RBM33: variants seen among roughly 807,000 people sequenced by gnomAD.
RBM33 encodes RNA binding motif protein 33.
In RBM33, 28 loss-of-function variants were observed where a neutral mutation model predicts 132.6. The observed-to-expected ratio is 0.21, with a 90% CI of 0.16 to 0.29. RBM33 has a LOEUF of 0.29. RBM33 is among the 10% of genes least tolerant of loss of function. The pLI, the probability that RBM33 is intolerant of heterozygous loss-of-function variation, is 1.00. For synonymous variants in RBM33, 634 were observed against 593.0 expected, an observed-to-expected ratio of 1.07 and a Z score of -1.01; for missense variants, 1,291 against 1,518.5, an observed-to-expected ratio of 0.85 and a Z score of 2.49.
intron 3 of RBM33, among the ~76,000 whole-genome samples, chr7:155,676,065 A>G (rs751326886): frequency 2.0e-5 from 3 of 152,132 alleles, no homozygotes; most frequent in Non-Finnish European, 2.9e-5. Context: ...TACACTGGCT[A>G]CCTGAACAAT....
intron 5 of RBM33, chr7:155,684,894 T>C (rs1435611449): frequency 6.5e-7 from 1 of 1,542,636 alleles, no homozygotes; most frequent in Admixed American, 2.0e-5. Context: ...ACCCCAAAGC[T>C]GTATGAGAAA....
In RBM33 at chr7:155,678,799, T is replaced by C. The variant is rs979709257; in HGVS notation, c.248+115T>C. ...AATGTAGCCTTATATCTTTAACACA[T>C]GATTACATTCTAAATGGAATACTAG... On this transcript the variant is annotated intron_variant, in intron 4 of 17. Transcript: ENST00000401878. The C allele has an allele frequency of 6.6e-6, 4 of 606,944 alleles. No individual in the cohort carries two copies. The African/African-American group carries it at 7.6e-5, about 12-fold the overall frequency. The allele number at this position is 606,944 out of a possible 1,614,324, so 37.6% of individuals were successfully genotyped here.
At chr7:155,729,558 G>A (rs1800892791) in intron 9 of RBM33, among the ~76,000 whole-genome samples, 1 of 152,056 alleles carries the variant, frequency 6.6e-6, no homozygotes, top group Non-Finnish European at 1.5e-5. Flanking sequence ...GTAACATAGT[G>A]AGACCCCATC....
intron 1 of RBM33, among the ~76,000 whole-genome samples, chr7:155,654,630 G>A (rs1372035439): frequency 6.6e-6 from 1 of 152,112 alleles, no homozygotes; most frequent in Non-Finnish European, 1.5e-5. Flanking sequence ...TGACAAAAAT[G>A]TAGTTATTCT....
chr7:155,687,377 C>T (rs1799511521), intron 5 of RBM33, among the ~76,000 whole-genome samples: 2 of 152,158 alleles, frequency 1.3e-5, no homozygotes. Context: ...TGGATATTAG[C>T]CCTTTGTCAG....
rs927203532 is a variant in RBM33, at chr7:155,644,709, C to T, written c.-168C>T. On this transcript the variant is annotated 5_prime_UTR_variant, in exon 1 of 18. Coordinates refer to ENST00000401878, the MANE Select transcript of RBM33 (RefSeq NM_053043.3). ...GCGGTAGTTTGTTGTTTTCTTCCTG[C>T]GGAGGCGAAGGGCCAGCTGTGGACC... is the stretch of plus-strand genomic sequence containing the variant. 2 of 489,624 alleles carry T rather than the reference C, an allele frequency of 4.1e-6. No homozygotes were observed. The highest frequency in any genetic ancestry group is 4.4e-5 in the Admixed American group (1 of 22,880). The allele number at this position is 489,624 out of a possible 1,614,324, so 30.3% of individuals were successfully genotyped here. A position where few individuals can be genotyped will look rare whatever the true frequency, so the allele number is the denominator to read the frequency against.
chr7:155,673,586 A>G (rs1473575494), intron 3 of RBM33, among the ~76,000 whole-genome samples: 35 of 97,344 alleles, frequency 3.6e-4, no homozygotes, highest in Non-Finnish European at 5.8e-4. Context: ...ACACGTGTAT[A>G]TATATATACA....
chr7:155,774,903 C>A lies in RBM33; in HGVS notation c.3465-90C>A. 8.6e-7 allele frequency: 1 copy of A among 1,161,526 alleles called. No homozygotes were observed. The highest frequency in any genetic ancestry group is 1.3e-6 in the Non-Finnish European group (1 of 776,316). The allele number at this position is 1,161,526 out of a possible 1,614,324, so 72.0% of individuals were successfully genotyped here. A position where few individuals can be genotyped will look rare whatever the true frequency, so the allele number is the denominator to read the frequency against. The stretch of plus-strand genomic sequence containing the variant: ...TATGATGCGTTTTTATTAAACAGGA[C>A]CCACCGGGCTCTTTTAGTTTCCTCC... On this transcript the variant is annotated intron_variant, in intron 17 of 17. Transcript: ENST00000401878. This position sits in a 1 kb window ranked among gnomAD's most constrained non-coding sequence, Gnocchi z 4.2.
chr7:155,703,686 C>A (rs143961500), intron 6 of RBM33, among the ~76,000 whole-genome samples: 1 of 152,090 alleles, frequency 6.6e-6, no homozygotes, highest in Admixed American at 6.6e-5. Context: ...GTACCTCCCC[C>A]CAAACAAAAG....
chr7:155,709,567 G>T (rs1351964670), intron 7 of RBM33, among the ~76,000 whole-genome samples: 2 of 152,148 alleles, frequency 1.3e-5, no homozygotes, highest in Admixed American at 6.5e-5. Flanking sequence ...CACAGGCCCT[G>T]AATGTCACTT....
chr7:155,659,271 A>C (rs1180304790), intron 1 of RBM33, among the ~76,000 whole-genome samples: 3 of 152,206 alleles, frequency 2.0e-5, no homozygotes, highest in Non-Finnish European at 2.9e-5. Flanking sequence ...CCACAAGGAT[A>C]CCCAGACATT....
chr7:155,731,169 C>T (rs1468597644), intron 9 of RBM33, among the ~76,000 whole-genome samples: 4 of 152,138 alleles, frequency 2.6e-5, no homozygotes, highest in Admixed American at 6.6e-5. Flanking sequence ...TACATTTTGC[C>T]TTATCTATAA....
chr7:155,653,548 A>G (rs1798412607), intron 1 of RBM33, among the ~76,000 whole-genome samples: 2 of 148,098 alleles, frequency 1.4e-5, no homozygotes, highest in African/African-American at 5.0e-5. Context: ...AGAGGGTTAG[A>G]ACGTTCAGGC....
intron 16 of RBM33, among the ~76,000 whole-genome samples, chr7:155,773,447 A>C (rs1391244891): frequency 6.6e-6 from 1 of 151,886 alleles, no homozygotes; most frequent in Non-Finnish European, 1.5e-5. Context: ...GGGTGCCTAT[A>C]ATCCCAGCTA....
chr7:155,676,649 G>C (rs773482219), intron 3 of RBM33, among the ~76,000 whole-genome samples: 7 of 152,136 alleles, frequency 4.6e-5, no homozygotes, highest in Admixed American at 3.3e-4. Context: ...TTCATCTCTT[G>C]GGATCTGTGG....
At position 155,645,051 on chromosome 7, in the gene RBM33, C is replaced by T. The variant is rs77732399; in HGVS notation, c.43+132C>T. The stretch of plus-strand genomic sequence containing the variant: ...CGACTCTCTTTGTGTTCGGCCTATT[C>T]CGTTTTCTCCCTCGCCTTCCCTCGC... On this transcript the variant is annotated intron_variant, in intron 1 of 17. Coordinates refer to ENST00000401878, the MANE Select transcript of RBM33 (RefSeq NM_053043.3). The T allele has an allele frequency of 6.4e-3, 3,846 of 604,412 alleles. 127 individuals are homozygous for T. The African/African-American group carries it at 0.068, about 11-fold the overall frequency. The allele number at this position is 604,412 out of a possible 1,614,324, so 37.4% of individuals were successfully genotyped here.
At chr7:155,652,295 C>G (rs190138093) in intron 1 of RBM33, among the ~76,000 whole-genome samples, 1 of 152,286 alleles carries the variant, frequency 6.6e-6, no homozygotes, top group East Asian at 1.9e-4. Flanking sequence ...AAGTGCTGAA[C>G]TCCGCCGTTT....
chr7:155,645,028 ACT>A lies in RBM33; in HGVS notation c.43+114_43+115del, dbSNP rs969999087. On this transcript the variant is annotated intron_variant, in intron 1 of 17. Coordinates refer to ENST00000401878, the MANE Select transcript of RBM33 (RefSeq NM_053043.3). ...GAGGACGAGGCTCTCCCCGGCTCCG[ACT>A]CTCTTTGTGTTCGGCCTATTCCGTT... 3.2e-5 allele frequency: 25 copies of A among 782,694 alleles called. No individual in the cohort carries two copies. In the Admixed American group the frequency reaches 6.4e-4, roughly 20 times the overall value. 48.5% of individuals were successfully genotyped at this position (782,694 alleles called of 1,614,324 possible).
chr7:155,702,126 C>T (rs1334592056), intron 6 of RBM33, among the ~76,000 whole-genome samples: 2 of 152,204 alleles, frequency 1.3e-5, no homozygotes, highest in East Asian at 1.9e-4. Context: ...GCCATCTGGT[C>T]TTGGTCTAGA....
Sources: gnomAD v4.1 joint callset for allele counts (sites outside exome capture counted in the v4.1 genomes callset) on GRCh38, gnomAD v4.1.1 for gene constraint, Gnocchi (gnomAD v3.1) non-coding constraint, MANE v1.5 for transcripts, NCBI Gene and HGNC (gene_info 2026-07-23, HGNC 2026-07-21) for gene names.